PTPRN2: variants seen among roughly 807,000 people sequenced by gnomAD.
The protein encoded by PTPRN2 is receptor-type tyrosine-protein phosphatase N2.
A neutral mutation model predicts 118.8 loss-of-function variants in PTPRN2; 74 were observed. The ratio of observed to expected loss-of-function variants is 0.62; its 90% confidence interval spans 0.52 to 0.76. The LOEUF is 0.76. Ranked by LOEUF, PTPRN2 falls within the 30% of genes least tolerant of loss-of-function variation. PTPRN2 has a pLI of 0.00. For synonymous variants in PTPRN2, 641 were observed against 608.0 expected, an observed-to-expected ratio of 1.05 and a Z score of -0.80; for missense variants, 1,481 against 1,394.4, an observed-to-expected ratio of 1.06 and a Z score of -0.99.
chr7:157,917,358 A>G (rs540412529), intron 11 of PTPRN2, among the ~76,000 whole-genome samples: 55 of 152,360 alleles, frequency 3.6e-4, no homozygotes, highest in African/African-American at 1.2e-3. Flanking sequence ...TGAAAGGTCA[A>G]TTTGTCAAAC....
In PTPRN2 at chr7:158,093,364, T is replaced by C. The variant is rs1814372303; in HGVS notation, c.1644-11987A>G. Among the ~76,000 whole-genome samples, 1 of 150,716 alleles carries C rather than the reference T, an allele frequency of 6.6e-6. No homozygotes were observed. ...TGCCGCTGGACCGACCCCCACACTG[T>C]GGACCCACAGGTAGGCCTGCACCAC... On this transcript the variant is annotated intron_variant, in intron 10 of 22. Transcript: ENST00000389418. The surrounding 1 kb of genome is among the most constrained non-coding windows in gnomAD (Gnocchi z 4.4).
intron 2 of PTPRN2, among the ~76,000 whole-genome samples, chr7:158,334,652 A>AAG (rs1805232957): frequency 1.1e-5 from 1 of 90,056 alleles, no homozygotes; most frequent in Non-Finnish European, 2.5e-5. Context: ...CTCTCACCAT[A>AAG]ATTGGTGACA....
intron 12 of PTPRN2, among the ~76,000 whole-genome samples, chr7:157,880,210 C>T (rs575766488): frequency 1.5e-4 from 23 of 152,122 alleles, no homozygotes; most frequent in South Asian, 8.3e-4. Context: ...CACTTAGAGA[C>T]GATCTGTAAA....
At chr7:157,549,167 C>T (rs1230011099) in intron 21 of PTPRN2, 148 bp from the exon 22 acceptor site, 4 of 733,512 alleles carry the variant, frequency 5.5e-6, no homozygotes, top group East Asian at 5.2e-5. Context: ...CAGGCGGCTG[C>T]AATTTCAGTG....
intron 1 of PTPRN2, among the ~76,000 whole-genome samples, chr7:158,531,887 C>T (rs1042895479): frequency 6.6e-6 from 1 of 152,192 alleles, no homozygotes; most frequent in Non-Finnish European, 1.5e-5. Flanking sequence ...GGAAGCTGAA[C>T]GCATCACTGC....
At chr7:158,082,493 G>A (rs938683120) in intron 10 of PTPRN2, among the ~76,000 whole-genome samples, 3 of 152,188 alleles carry the variant, frequency 2.0e-5, no homozygotes, top group Non-Finnish European at 2.9e-5. Flanking sequence ...CAAGCCCTTG[G>A]TGAAGGGGAC....
At chr7:157,682,975 C>G (rs1459341084) in intron 12 of PTPRN2, 38 bp from the exon 13 acceptor site, 4 of 1,507,780 alleles carry the variant, frequency 2.7e-6, no homozygotes, top group Non-Finnish European at 3.7e-6. Flanking sequence ...TAGCTCCTGA[C>G]AAAGCATGAC....
intron 11 of PTPRN2, among the ~76,000 whole-genome samples, chr7:158,060,778 G>T (rs538991774): frequency 6.6e-6 from 1 of 152,358 alleles, no homozygotes; most frequent in African/African-American, 2.4e-5. Flanking sequence ...AATATGGGAA[G>T]GTTTTGCAAA....
chr7:157,620,540 C>A (rs547335581), intron 15 of PTPRN2, among the ~76,000 whole-genome samples: 2 of 152,326 alleles, frequency 1.3e-5, no homozygotes, highest in Non-Finnish European at 2.9e-5. Flanking sequence ...CCTCGTCTAA[C>A]CCTTACAGCA....
At position 157,967,910 on chromosome 7, in the gene PTPRN2, G is replaced by A. The variant is rs80133792; in HGVS notation, c.1724-69173C>T. On this transcript the variant is annotated intron_variant, in intron 11 of 22. Transcript: ENST00000389418. ...GTCCAATGAGCTCATCTCATGCACGGTTCTCTTTTTGTGATGAACACCAGT... is the reference window on the plus strand; with the variant it reads ...GTCCAATGAGCTCATCTCATGCACGATTCTCTTTTTGTGATGAACACCAGT... 1.2e-3 allele frequency among the ~76,000 whole-genome samples: 177 copies of A among 152,310 alleles called. 7 individuals carry two copies. The South Asian group carries it at 0.03, about 25-fold the overall frequency.
chr7:158,333,747 C>G (rs1373014425), intron 2 of PTPRN2, among the ~76,000 whole-genome samples: 5 of 150,596 alleles, frequency 3.3e-5, no homozygotes, highest in African/African-American at 1.2e-4. Context: ...CATACTCTCA[C>G]CATAAGAGCT....
intron 3 of PTPRN2, among the ~76,000 whole-genome samples, chr7:158,219,887 A>T (rs1024020905): frequency 3.3e-5 from 5 of 151,858 alleles, no homozygotes; most frequent in Admixed American, 3.3e-4. Flanking sequence ...AATAAAAAAA[A>T]AACCTACCAA....
chr7:158,312,205 C>CAGACACACCA (rs1554450983), intron 3 of PTPRN2, among the ~76,000 whole-genome samples: 1 of 137,068 alleles, frequency 7.3e-6, no homozygotes, highest in Admixed American at 7.0e-5. Context: ...CACTCACATG[C>CAGACACACCA]ACACACACGT....
chr7:157,573,154 C>G (rs1799845395), intron 19 of PTPRN2, among the ~76,000 whole-genome samples: 1 of 152,214 alleles, frequency 6.6e-6, no homozygotes, highest in African/African-American at 2.4e-5. Flanking sequence ...GGGTGCACCC[C>G]AGCATGGGGG....
At chr7:158,249,455 GCATA>G (rs148194112) in intron 3 of PTPRN2, among the ~76,000 whole-genome samples, 3 of 124,138 alleles carry the variant, frequency 2.4e-5, no homozygotes, top group Admixed American at 8.7e-5. Context: ...ATACATACAT[GCATA>G]CATACACATA....
At chr7:158,281,095 G>C (rs1055587361) in intron 3 of PTPRN2, among the ~76,000 whole-genome samples, 1 of 152,204 alleles carries the variant, frequency 6.6e-6, no homozygotes, top group Non-Finnish European at 1.5e-5. Context: ...CTTGAGATCA[G>C]GAGTTCAAGA....
chr7:157,720,213 T>C (rs1799154907), intron 12 of PTPRN2, among the ~76,000 whole-genome samples: 1 of 152,188 alleles, frequency 6.6e-6, no homozygotes, highest in Non-Finnish European at 1.5e-5. Flanking sequence ...GAGACGCTGT[T>C]GACCCTTCTT....
chr7:157,928,536 G>A (rs1799161624), intron 11 of PTPRN2, among the ~76,000 whole-genome samples: 1 of 152,066 alleles, frequency 6.6e-6, no homozygotes, highest in Admixed American at 6.5e-5. Flanking sequence ...CTGGCTGCCT[G>A]AACACATTTG....
chr7:157,662,840 A>G (rs1301861534), intron 13 of PTPRN2, among the ~76,000 whole-genome samples: 1 of 152,144 alleles, frequency 6.6e-6, no homozygotes, highest in Non-Finnish European at 1.5e-5. Context: ...CCCGATGTCT[A>G]CAAGCTTGAA....
Sources: gnomAD v4.1 joint callset for allele counts (sites outside exome capture counted in the v4.1 genomes callset) on GRCh38, gnomAD v4.1.1 for gene constraint, Gnocchi (gnomAD v3.1) non-coding constraint, MANE v1.5 for transcripts, NCBI Gene and HGNC (gene_info 2026-07-23, HGNC 2026-07-21) for gene names.